IRF5: variants seen among roughly 807,000 people sequenced by gnomAD.
IRF5 encodes interferon regulatory factor 5.
A neutral mutation model predicts 55.1 loss-of-function variants in IRF5; 24 were observed. The observed-to-expected ratio is 0.44, with a 90% CI of 0.32 to 0.61. The LOEUF (loss-of-function observed/expected upper bound fraction) is 0.61. IRF5 is among the 20% of genes least tolerant of loss of function. The pLI is 0.07. For synonymous variants in IRF5, 258 were observed against 260.2 expected (o/e 0.99, Z 0.08); for missense variants, 499 against 658.5 (o/e 0.76, Z 2.65).
chr7:128,948,937 G>C lies in IRF5; in HGVS notation c.*119G>C, dbSNP rs2128967210. 1.5e-6 allele frequency: 2 copies of C among 1,302,468 alleles called. No homozygotes were observed. The highest frequency in any genetic ancestry group is 2.1e-6 in the Non-Finnish European group (2 of 960,296). The allele number at this position is 1,302,468 out of a possible 1,614,324, so 80.7% of individuals were successfully genotyped here. ...CAGGGTCCTACCTCTGGGTTTCCTG[G>C]AAGTGGATTTGGGCCAAGAAGGAGA... is the stretch of plus-strand genomic sequence containing the variant. On this transcript the variant is annotated 3_prime_UTR_variant, in exon 9 of 9. Coordinates refer to ENST00000357234, the MANE Select transcript of IRF5 (RefSeq NM_001098629.3). This position sits in a 1 kb window ranked among gnomAD's most constrained non-coding sequence, Gnocchi z 4.6.
In IRF5 at chr7:128,949,057, C is replaced by T. The variant is rs529679627; in HGVS notation, c.*239C>T. 118 of 551,708 alleles carry T rather than the reference C, an allele frequency of 2.1e-4. No homozygotes were observed. In the East Asian group the frequency reaches 3.6e-3, roughly 17 times the overall value. 34.2% of individuals were successfully genotyped at this position (551,708 alleles called of 1,614,324 possible). A position where few individuals can be genotyped will look rare whatever the true frequency, so the allele number is the denominator to read the frequency against. On this transcript the variant is annotated 3_prime_UTR_variant, in exon 9 of 9. Transcript: ENST00000357234. ...GGCTCTCGGGAAATTCAGCCATGAG[C>T]AGGGAAAGAACTCTCCCAACCCTGG... is the stretch of plus-strand genomic sequence containing the variant.
rs184789630 is a variant in IRF5 at position 128,947,188 on chromosome 7, G to T, written c.482-42G>T. ...AGGAGGTGTGCCTGGGAGGCAGTTCGTGGAGGTGGCACTGACAGCCGTCCA... is the reference window on the plus strand; with the variant it reads ...AGGAGGTGTGCCTGGGAGGCAGTTCTTGGAGGTGGCACTGACAGCCGTCCA... On this transcript the variant is annotated intron_variant, in intron 5 of 8. Coordinates refer to ENST00000357234, the MANE Select transcript of IRF5 (RefSeq NM_001098629.3). This position sits in a 1 kb window ranked among gnomAD's most constrained non-coding sequence, Gnocchi z 6.5. The T allele has an allele frequency of 6.3e-7, 1 of 1,599,304 alleles. No homozygotes were observed. The highest frequency in any genetic ancestry group is 1.3e-5 in the African/African-American group (1 of 74,814).
Position 128,945,926 on chromosome 7 carries a change from G to T in IRF5, c.277G>T (p.Ala93Ser). Reference protein sequence around the residue: ...PAKWKANLRCALNKSRDFRLI... With the variant: ...PAKWKANLRCSLNKSRDFRLI... ...CAAGTGGAAGGCCAACCTGCGCTGT[G>T]CCCTTAACAAGAGCCGGGACTTCCG... The change falls in exon 3 of 9, where the codon GCC (alanine) becomes TCC (serine). Residue 93 changes from alanine to serine, a missense_variant. Physicochemically the swap from Ala to Ser is moderately conservative, Grantham distance 99. Transcript: ENST00000357234. 1 of 1,613,678 alleles carries T rather than the reference G, an allele frequency of 6.2e-7. No individual in the cohort carries two copies. Among genetic ancestry groups the T allele is most frequent in the Non-Finnish European group, 8.5e-7 (1 of 1,179,876 alleles).
rs1204372223 is a variant in IRF5 at position 128,949,214 on chromosome 7, T to C, written c.*396T>C. 8.3e-5 allele frequency: 16 copies of C among 193,650 alleles called. No individual in the cohort carries two copies. The East Asian group carries it at 1.9e-3, about 23-fold the overall frequency. 12.0% of individuals were successfully genotyped at this position (193,650 alleles called of 1,614,324 possible). On this transcript the variant is annotated 3_prime_UTR_variant, in exon 9 of 9. Coordinates refer to ENST00000357234, the MANE Select transcript of IRF5 (RefSeq NM_001098629.3). ...GGCCTCTGCAGGGCATGGCCCTGAT[T>C]TCCCTGGTTTGAGACTCACTTCCTC...
chr7:128,948,697 A>G lies in IRF5; in HGVS notation c.1424A>G (p.Lys475Arg), dbSNP rs1796465258. Reference protein sequence around the residue: ...DLKDRMVEQFKELHHIWQSQQ... With the variant: ...DLKDRMVEQFRELHHIWQSQQ... Reference sequence around the variant, plus strand: ...AAAGACCGCATGGTGGAGCAATTCAAGGAGCTCCATCACATCTGGCAGTCC... The same window carrying G: ...AAAGACCGCATGGTGGAGCAATTCAGGGAGCTCCATCACATCTGGCAGTCC... Residue 475 changes from lysine (K) to arginine (R), a missense_variant, in exon 9 of 9, where the codon AAG becomes AGG. Coordinates refer to ENST00000357234, the MANE Select transcript of IRF5 (RefSeq NM_001098629.3). The surrounding 1 kb of genome is among the most constrained non-coding windows in gnomAD (Gnocchi z 4.6). The G allele has an allele frequency of 6.2e-7, 1 of 1,614,032 alleles. No individual in the cohort carries two copies. Among genetic ancestry groups the G allele is most frequent in the African/African-American group, 1.3e-5 (1 of 74,946 alleles).
Position 128,947,734 on chromosome 7 carries a change from G to C in IRF5, c.793G>C (p.Asp265His). 1 of 1,604,252 alleles carries C rather than the reference G, an allele frequency of 6.2e-7. No individual in the cohort carries two copies. Among genetic ancestry groups the C allele is most frequent in the Non-Finnish European group, 8.5e-7 (1 of 1,177,422 alleles). ...GCCTGCCTTCTGCCCCACAGTGACC[G>C]ACCTGGAGATCAAGTTTCAGTACCG... Reference protein sequence around the residue: ...LISPHMLPLTDLEIKFQYRGR... With the variant: ...LISPHMLPLTHLEIKFQYRGR... Residue 265 changes from aspartate to histidine, a missense_variant, in exon 7 of 9, where the codon GAC becomes CAC. Asp to His is a moderately conservative substitution (Grantham distance 81). Around this residue, in one of 2 missense-constraint regions of IRF5, gnomAD observed 305 missense variants for 340.2 expected, o/e 0.90. Coordinates refer to ENST00000357234, the MANE Select transcript of IRF5 (RefSeq NM_001098629.3). This position sits in a 1 kb window ranked among gnomAD's most constrained non-coding sequence, Gnocchi z 6.5.
rs1270506398 is a variant in IRF5, at chr7:128,948,861, G to T, written c.*43G>T. On this transcript the variant is annotated 3_prime_UTR_variant, in exon 9 of 9. Transcript: ENST00000357234. This position sits in a 1 kb window ranked among gnomAD's most constrained non-coding sequence, Gnocchi z 4.6. Reference sequence around the variant, plus strand: ...ACTGGCCCTGGCTTCCTGGGTGGCGGTGCGGACTGATGTGGAGATGTGACA... The same window carrying T: ...ACTGGCCCTGGCTTCCTGGGTGGCGTTGCGGACTGATGTGGAGATGTGACA... 1 of 1,583,312 alleles carries T rather than the reference G, an allele frequency of 6.3e-7. No homozygotes were observed. The highest frequency in any genetic ancestry group is 1.1e-5 in the South Asian group (1 of 88,840).
chr7:128,946,058 G>C lies in IRF5; in HGVS notation c.385+24G>C. On this transcript the variant is annotated intron_variant, in intron 3 of 8. Coordinates refer to ENST00000357234, the MANE Select transcript of IRF5 (RefSeq NM_001098629.3). This position sits in a 1 kb window ranked among gnomAD's most constrained non-coding sequence, Gnocchi z 4.2. ...AGGTATCAGGCCTAGCCCTCTGTGGGCCACCTGGGAGGCTGTGCAATGTCC... is the reference window on the plus strand; with the variant it reads ...AGGTATCAGGCCTAGCCCTCTGTGGCCCACCTGGGAGGCTGTGCAATGTCC... 2 of 1,556,284 alleles carry C rather than the reference G, an allele frequency of 1.3e-6. No individual in the cohort carries two copies. The highest frequency in any genetic ancestry group is 1.7e-6 in the Non-Finnish European group (2 of 1,154,370).
At chr7:128,939,993 G>T (rs3778752) in intron 1 of IRF5, among the ~76,000 whole-genome samples, 62,664 of 151,572 alleles carry the variant, frequency 0.41, 13,378 homozygotes, top group Middle Eastern at 0.51. Context: ...CTTCTAGGAG[G>T]ATGGATGCTG....
rs144448991 is a variant in IRF5, at chr7:128,947,882, G to A, written c.941G>A (p.Arg314His). Residue 314 changes from arginine (R) to histidine (H), a missense_variant, in exon 7 of 9, where the codon CGC becomes CAC. Physicochemically the swap from Arg to His is conservative, Grantham distance 29 (BLOSUM62 0). This residue lies in a region of IRF5 where 194 missense variants were observed against 318.3 expected (regional missense o/e 0.61). Coordinates refer to ENST00000357234, the MANE Select transcript of IRF5 (RefSeq NM_001098629.3). The surrounding 1 kb of genome is among the most constrained non-coding windows in gnomAD (Gnocchi z 6.5). ...LFGPISLEQV[R>H]FPSPEDIPSD... is the part of the protein sequence containing the mutation. ...GGCCCCATAAGCCTGGAGCAAGTGCGCTTCCCCAGCCCTGAGGACATCCCC... is the reference window on the plus strand; with the variant it reads ...GGCCCCATAAGCCTGGAGCAAGTGCACTTCCCCAGCCCTGAGGACATCCCC... 89 of 1,613,920 alleles carry A rather than the reference G, an allele frequency of 5.5e-5. No homozygotes were observed. The highest frequency in any genetic ancestry group is 1.6e-4 in the Middle Eastern group (1 of 6,084).
At chr7:128,937,265 G>C (rs1795806989), upstream of IRF5, among the ~76,000 whole-genome samples, 1 of 152,158 alleles carries the variant, frequency 6.6e-6, no homozygotes, top group Non-Finnish European at 1.5e-5. Context: ...AGGAACAGGA[G>C]GTGTGTGAAG....
intron 2 of IRF5, among the ~76,000 whole-genome samples, chr7:128,945,214 G>A (rs2128962305): frequency 6.6e-6 from 1 of 152,264 alleles, no homozygotes; most frequent in Admixed American, 6.5e-5. Context: ...CCCAGCTCAA[G>A]CAATCCTCTC....
intron 2 of IRF5, 106 bp from the exon 3 acceptor site, chr7:128,945,739 A>G (rs372567985): frequency 9.0e-7 from 1 of 1,112,090 alleles, no homozygotes; most frequent in Non-Finnish European, 1.3e-6. Flanking sequence ...CTCAGCCTGT[A>G]GCCGAAGTTC....
At chr7:128,938,400 C>T (rs1389205406) in intron 1 of IRF5, among the ~76,000 whole-genome samples, 1 of 152,214 alleles carries the variant, frequency 6.6e-6, no homozygotes, top group Non-Finnish European at 1.5e-5. Context: ...GCTGCTCTCC[C>T]TCCCCCTCGC....
chr7:128,942,938 A>G (rs1042247379), intron 2 of IRF5: 1 of 154,100 alleles, frequency 6.5e-6, no homozygotes, highest in African/African-American at 2.4e-5. Flanking sequence ...TTAATATAAG[A>G]TTCAGATACA....
At position 128,946,458 on chromosome 7, in the gene IRF5, A is replaced by G. The variant is rs2128963469; in HGVS notation, c.386-43A>G. On this transcript the variant is annotated intron_variant, in intron 3 of 8. Transcript: ENST00000357234. The surrounding 1 kb of genome is among the most constrained non-coding windows in gnomAD (Gnocchi z 4.2). ...CAGGGGATCTTGCTTCTCCTCCGAC[A>G]TTGACTCCTTTACTGCCCTGCTTTT... The G allele has an allele frequency of 1.3e-6, 2 of 1,576,152 alleles. No individual in the cohort carries two copies. The highest frequency in any genetic ancestry group is 1.7e-6 in the Non-Finnish European group (2 of 1,160,112).
intron 2 of IRF5, among the ~76,000 whole-genome samples, chr7:128,943,423 G>A (rs1796137926): frequency 7.4e-6 from 1 of 134,624 alleles, no homozygotes; most frequent in Admixed American, 7.8e-5. Context: ...GCCTAGTGTT[G>A]CACCATTGGT....
intron 1 of IRF5, 68 bp downstream of exon 1, chr7:128,938,117 G>C (rs1795832485): frequency 6.6e-6 from 1 of 152,086 alleles, no homozygotes; most frequent in East Asian, 1.9e-4. Flanking sequence ...TGGCGGGAGC[G>C]GTGCCGGCTA....
chr7:128,947,194 G>T lies in IRF5; in HGVS notation c.482-36G>T. ...TGTGCCTGGGAGGCAGTTCGTGGAGGTGGCACTGACAGCCGTCCACACGCA... is the reference window on the plus strand; with the variant it reads ...TGTGCCTGGGAGGCAGTTCGTGGAGTTGGCACTGACAGCCGTCCACACGCA... On this transcript the variant is annotated intron_variant, in intron 5 of 8. Coordinates refer to ENST00000357234, the MANE Select transcript of IRF5 (RefSeq NM_001098629.3). The surrounding 1 kb of genome is among the most constrained non-coding windows in gnomAD (Gnocchi z 6.5). The T allele has an allele frequency of 1.3e-6, 2 of 1,599,002 alleles. No individual in the cohort carries two copies. The highest frequency in any genetic ancestry group is 2.3e-5 in the South Asian group (2 of 88,686).
Sources: gnomAD v4.1 joint callset for allele counts (sites outside exome capture counted in the v4.1 genomes callset) on GRCh38, gnomAD v4.1.1 for gene constraint, gnomAD v4.1.1 regional missense constraint, Gnocchi (gnomAD v3.1) non-coding constraint, MANE v1.5 for transcripts, NCBI Gene and HGNC (gene_info 2026-07-23, HGNC 2026-07-21) for gene names.